ADGRB3: variants seen among roughly 807,000 people sequenced by gnomAD.
ADGRB3 encodes the protein brain-specific angiogenesis inhibitor 3.
In ADGRB3, 37 loss-of-function variants were observed where a neutral mutation model predicts 193.4. That is an observed-to-expected ratio of 0.19 (90% CI 0.15 to 0.25). ADGRB3 has a LOEUF of 0.25. Ranked by LOEUF, ADGRB3 falls within the 10% of genes least tolerant of loss-of-function variation. ADGRB3 has a pLI of 1.00. For missense variants in ADGRB3, 1,637 were observed against 1,852.9 expected (o/e 0.88, Z 2.14); for synonymous variants, 690 against 644.2 (o/e 1.07, Z -1.08).
intron 3 of ADGRB3, among the ~76,000 whole-genome samples, chr6:68,768,861 T>C (rs1219617847): frequency 6.6e-6 from 1 of 150,628 alleles, no homozygotes; most frequent in Non-Finnish European, 1.5e-5. Context: ...AAAAAACTCA[T>C]CAAAAAGTGG....
intron 10 of ADGRB3, among the ~76,000 whole-genome samples, chr6:68,990,473 C>G (rs1769206743): frequency 6.6e-6 from 1 of 152,036 alleles, no homozygotes; most frequent in African/African-American, 2.4e-5. Context: ...CATCTGGGCA[C>G]CTGTTTGCTA....
chr6:69,246,690 A>G (rs1318287712), intron 20 of ADGRB3, among the ~76,000 whole-genome samples: 25 of 152,218 alleles, frequency 1.6e-4, no homozygotes, highest in Admixed American at 1.6e-3. Context: ...AGGGCAAGCA[A>G]AGAAGATGAA....
intron 11 of ADGRB3, among the ~76,000 whole-genome samples, chr6:69,011,133 A>ATGTGTGTGTGTGTGTGTG (rs1312979149): frequency 1.0e-5 from 1 of 97,162 alleles, no homozygotes; most frequent in Non-Finnish European, 2.0e-5. Context: ...ATATACATAT[A>ATGTGTGTGTGTGTGTGTG]TATGTGTGTG....
At chr6:69,380,402 A>C (rs1769921532) in intron 30 of ADGRB3, among the ~76,000 whole-genome samples, 1 of 151,986 alleles carries the variant, frequency 6.6e-6, no homozygotes, top group Admixed American at 6.6e-5. Flanking sequence ...GAGACTTCAC[A>C]AACAAAAATT....
chr6:69,020,155 T>C (rs560292574), intron 13 of ADGRB3, among the ~76,000 whole-genome samples: 8 of 152,128 alleles, frequency 5.3e-5, no homozygotes, highest in African/African-American at 1.9e-4. Context: ...GAACTATTGT[T>C]TTCTTCTTCT....
intron 29 of ADGRB3, among the ~76,000 whole-genome samples, chr6:69,367,815 A>G (rs1769608980): frequency 6.6e-6 from 1 of 152,070 alleles, no homozygotes; most frequent in Non-Finnish European, 1.5e-5. Context: ...CTATGAGGCC[A>G]TAAAAAATGA....
chr6:68,971,841 C>T (rs1040584158), intron 8 of ADGRB3, among the ~76,000 whole-genome samples: 1 of 152,248 alleles, frequency 6.6e-6, no homozygotes, highest in East Asian at 1.9e-4. Flanking sequence ...CTGGGCACCA[C>T]GAGTTTCATA....
intron 11 of ADGRB3, among the ~76,000 whole-genome samples, chr6:69,009,889 A>C (rs1002914968): frequency 6.6e-6 from 1 of 152,126 alleles, no homozygotes; most frequent in Admixed American, 6.6e-5. Flanking sequence ...ATAGGAATTC[A>C]GCAAAAGCAA....
Position 69,330,385 on chromosome 6 carries a change from A to G in ADGRB3, c.3036-121A>G, listed in dbSNP as rs145698558. On this transcript the variant is annotated intron_variant, in intron 22 of 31. Coordinates refer to ENST00000370598, the MANE Select transcript of ADGRB3 (RefSeq NM_001704.3). ...CATCTTCTATGTATTTTTTATTACA[A>G]ATGTTTAACATGTGCCAAAATTCCA... The G allele has an allele frequency of 1.3e-5, 7 of 554,536 alleles. No individual in the cohort carries two copies. The African/African-American group carries it at 1.4e-4, about 11-fold the overall frequency. The allele number at this position is 554,536 out of a possible 1,614,324, so 34.4% of individuals were successfully genotyped here. A position where few individuals can be genotyped will look rare whatever the true frequency, so the allele number is the denominator to read the frequency against.
intron 13 of ADGRB3, among the ~76,000 whole-genome samples, chr6:69,040,662 A>G (rs1336941071): frequency 8.5e-6 from 1 of 117,058 alleles, no homozygotes; most frequent in Non-Finnish European, 1.7e-5. Context: ...CAGGCTTTGA[A>G]ATGACTGATG....
Position 69,317,319 on chromosome 6 carries a change from AAGG to A in ADGRB3, c.2815-7550_2815-7548del, listed in dbSNP as rs1333978795. 4.6e-5 allele frequency among the ~76,000 whole-genome samples: 7 copies of A among 151,378 alleles called. No individual in the cohort carries two copies. In the East Asian group the frequency reaches 1.4e-3, roughly 30 times the overall value. ...ATTCTGAAAGTAGAGGTGAAGGAGA[AAGG>A]AGAGGAGGAGGGTCTTATGGTTTAA... is the stretch of plus-strand genomic sequence containing the variant. On this transcript the variant is annotated intron_variant, in intron 20 of 31. Coordinates refer to ENST00000370598, the MANE Select transcript of ADGRB3 (RefSeq NM_001704.3).
chr6:68,959,163 A>G (rs1305799871), intron 8 of ADGRB3, among the ~76,000 whole-genome samples: 5 of 152,100 alleles, frequency 3.3e-5, no homozygotes, highest in African/African-American at 7.2e-5. Flanking sequence ...CTTGATTTAT[A>G]TACTGGAGTT....
chr6:68,671,163 C>G (rs553838575), intron 3 of ADGRB3, among the ~76,000 whole-genome samples: 4 of 151,864 alleles, frequency 2.6e-5, no homozygotes, highest in African/African-American at 9.6e-5. Context: ...CTGGGGGAAT[C>G]TAGGTTTTCC....
rs185092165 is a variant in ADGRB3, at chr6:68,932,979, T to C, written c.868+2310T>C. On this transcript the variant is annotated intron_variant, in intron 4 of 31. Coordinates refer to ENST00000370598, the MANE Select transcript of ADGRB3 (RefSeq NM_001704.3). ...TTTCTACAGAGTGATAAAGTGAGTGTGACTTTTTTAAAAAGAGTAACATTT... is the reference window on the plus strand; with the variant it reads ...TTTCTACAGAGTGATAAAGTGAGTGCGACTTTTTTAAAAAGAGTAACATTT... Among the ~76,000 whole-genome samples, 223 of 150,624 alleles carry C rather than the reference T, an allele frequency of 1.5e-3. 1 individual carries two copies. Among genetic ancestry groups the C allele is most frequent in the African/African-American group, 5.1e-3 (209 of 41,338 alleles).
At chr6:68,970,278 C>A (rs191509990) in intron 8 of ADGRB3, among the ~76,000 whole-genome samples, 81 of 150,960 alleles carry the variant, frequency 5.4e-4, no homozygotes, top group African/African-American at 1.9e-3. Flanking sequence ...GACTACTTTT[C>A]TTTTCTTCTT....
chr6:69,321,654 A>G (rs748559999), intron 20 of ADGRB3, among the ~76,000 whole-genome samples: 1 of 151,812 alleles, frequency 6.6e-6, no homozygotes, highest in Non-Finnish European at 1.5e-5. Flanking sequence ...GATTTGGGTT[A>G]TGTAAGAAAA....
intron 29 of ADGRB3, among the ~76,000 whole-genome samples, chr6:69,371,427 G>GT (rs1769704645): frequency 6.6e-6 from 1 of 152,034 alleles, no homozygotes; most frequent in Non-Finnish European, 1.5e-5. Context: ...GTTTGTAGGT[G>GT]TTGGGATGGG....
intron 20 of ADGRB3, among the ~76,000 whole-genome samples, chr6:69,271,834 T>C (rs1767188461): frequency 6.6e-6 from 1 of 152,200 alleles, no homozygotes; most frequent in Admixed American, 6.6e-5. Flanking sequence ...CCTTATTGTT[T>C]GTTTTTTGCT....
intron 20 of ADGRB3, among the ~76,000 whole-genome samples, chr6:69,283,792 A>G (rs1328494787): frequency 6.6e-6 from 1 of 152,172 alleles, no homozygotes; most frequent in Non-Finnish European, 1.5e-5. Flanking sequence ...TAATCTAAGA[A>G]AAATCTCAGT....
Sources: allele counts gnomAD v4.1 joint callset (sites outside exome capture counted in the v4.1 genomes callset), GRCh38; gene constraint gnomAD v4.1.1; transcripts MANE v1.5; gene names NCBI Gene and HGNC (gene_info 2026-07-23, HGNC 2026-07-21).